DENND1A: variants seen among roughly 807,000 people sequenced by gnomAD.
DENND1A encodes DENN domain containing 1A, also known as DENN domain-containing protein 1A.
Under a neutral mutation model 113.7 loss-of-function variants are expected in DENND1A, and 51 were observed. That is an observed-to-expected ratio of 0.45 (90% CI 0.36 to 0.57). DENND1A has a LOEUF of 0.57. Among genes scored for constraint, DENND1A ranks in the 20% least tolerant of loss-of-function variants. The pLI is 0.00. For missense variants in DENND1A, 1,258 were observed against 1,395.9 expected, an observed-to-expected ratio of 0.90 and a Z score of 1.57; for synonymous variants, 565 against 570.8, an observed-to-expected ratio of 0.99 and a Z score of 0.14.
chr9:123,380,051 T>C lies in DENND1A; in HGVS notation c.*1381A>G, dbSNP rs1212391889. 6.6e-6 allele frequency: 1 copy of C among 152,266 alleles called. No homozygotes were observed. The highest frequency in any genetic ancestry group is 1.5e-5 in the Non-Finnish European group (1 of 68,082). The allele number at this position is 152,266 out of a possible 1,614,324, so 9.4% of individuals were successfully genotyped here. A position where few individuals can be genotyped will look rare whatever the true frequency, so the allele number is the denominator to read the frequency against. ...AAGCCTCACTGAGCATGTGCAGCAG[T>C]GGCAGCCTCTCAGACATAGAGGGGG... On this transcript the variant is annotated 3_prime_UTR_variant, in exon 24 of 24. Coordinates refer to ENST00000394215, the MANE Select transcript of DENND1A (RefSeq NM_001352964.2).
chr9:123,780,243 T>C lies in DENND1A; in HGVS notation c.133-10680A>G, dbSNP rs76318854. On this transcript the variant is annotated intron_variant, in intron 3 of 23. Transcript: ENST00000394215. The stretch of plus-strand genomic sequence containing the variant: ...CTATTCTCAGTGAGCTTCTCGCCTC[T>C]CCCAAGTTGACACCCCAGAATCCTG... 7.3e-4 allele frequency among the ~76,000 whole-genome samples: 111 copies of C among 152,266 alleles called. No individual in the cohort carries two copies. In the East Asian group the frequency reaches 0.02, roughly 27 times the overall value.
intron 6 of DENND1A, among the ~76,000 whole-genome samples, chr9:123,672,527 GTGGTTTAAATGGTTCCCCCAAAAGT>G (rs1564922799): frequency 3.3e-5 from 5 of 152,168 alleles, no homozygotes; most frequent in Admixed American, 2.6e-4. Context: ...AATTATTGCT[GTGGTTTAAATGGTTCCCCCAAAAGT>G]TCATGTGTTG....
intron 3 of DENND1A, among the ~76,000 whole-genome samples, chr9:123,776,524 A>G (rs566964855): frequency 1.3e-5 from 2 of 152,346 alleles, no homozygotes; most frequent in African/African-American, 2.4e-5. Flanking sequence ...ACCAAAAAAT[A>G]GATTCAAATG....
intron 4 of DENND1A, among the ~76,000 whole-genome samples, chr9:123,766,440 G>C (rs1156531873): frequency 2.0e-5 from 3 of 152,162 alleles, no homozygotes; most frequent in Non-Finnish European, 2.9e-5. Flanking sequence ...TTGTAAAAAA[G>C]ATACCACCAT....
chr9:123,631,983 G>A (rs1325735008), intron 9 of DENND1A, among the ~76,000 whole-genome samples: 2 of 152,174 alleles, frequency 1.3e-5, no homozygotes, highest in East Asian at 3.8e-4. Flanking sequence ...TTTCAGGGAA[G>A]CCTGTTCCCA....
chr9:123,727,023 T>G (rs998787282), intron 5 of DENND1A, among the ~76,000 whole-genome samples: 1 of 152,226 alleles, frequency 6.6e-6, no homozygotes, highest in African/African-American at 2.4e-5. Flanking sequence ...TGAAGCTCAG[T>G]GTTGTCACGT....
intron 1 of DENND1A, among the ~76,000 whole-genome samples, chr9:123,903,732 G>T (rs1222632498): frequency 6.6e-6 from 1 of 152,214 alleles, no homozygotes; most frequent in African/African-American, 2.4e-5. Flanking sequence ...CACCCACGGT[G>T]TCTCGCTGAT....
chr9:123,458,146 G>T (rs772222165), intron 13 of DENND1A, among the ~76,000 whole-genome samples: 60 of 151,748 alleles, frequency 4.0e-4, no homozygotes, highest in Non-Finnish European at 5.6e-4. Context: ...GATTACAGCT[G>T]CCCCCCACCA....
intron 6 of DENND1A, among the ~76,000 whole-genome samples, chr9:123,675,516 A>C (rs1353618146): frequency 6.6e-6 from 1 of 152,228 alleles, no homozygotes; most frequent in East Asian, 1.9e-4. Context: ...CAAATTGCTC[A>C]GAACGTTCAA....
At chr9:123,637,915 A>ACG (rs199515744) in intron 9 of DENND1A, among the ~76,000 whole-genome samples, 4 of 40,088 alleles carry the variant, frequency 1.0e-4, no homozygotes, top group African/African-American at 5.8e-4. Context: ...GAATAAACAC[A>ACG]CACACACACA....
intron 1 of DENND1A, among the ~76,000 whole-genome samples, chr9:123,879,553 T>TACACACACACACACACACACACACACAC (rs138124573): frequency 2.0e-5 from 3 of 149,996 alleles, no homozygotes; most frequent in African/African-American, 7.4e-5. Context: ...AATAAAATTA[T>TACACACACACACACACACACACACACAC]ACACACACAC....
At chr9:123,874,200 T>TAAAAAAAAA (rs3050143) in intron 2 of DENND1A, among the ~76,000 whole-genome samples, 6 of 93,138 alleles carry the variant, frequency 6.4e-5, no homozygotes, top group Admixed American at 1.2e-4. Context: ...ATTTAAAAAG[T>TAAAAAAAAA]AAAAAAAAAA....
intron 13 of DENND1A, 119 bp downstream of exon 13, chr9:123,557,451 C>A: frequency 2.0e-6 from 3 of 1,466,716 alleles, no homozygotes; most frequent in South Asian, 1.3e-5. Flanking sequence ...CACAAACACA[C>A]ACAAGCTCTT....
chr9:123,497,308 C>A (rs1398308923), intron 13 of DENND1A, among the ~76,000 whole-genome samples: 1 of 152,132 alleles, frequency 6.6e-6, no homozygotes, highest in Non-Finnish European at 1.5e-5. Flanking sequence ...AATTGTAAGG[C>A]TCTTTTATTT....
intron 2 of DENND1A, among the ~76,000 whole-genome samples, chr9:123,793,045 G>C (rs1034012339): frequency 6.6e-6 from 1 of 152,118 alleles, no homozygotes; most frequent in African/African-American, 2.4e-5. Flanking sequence ...GGAGAAAGGG[G>C]GAGTGAGAGA....
chr9:123,703,659 T>A (rs2140736503), intron 5 of DENND1A, among the ~76,000 whole-genome samples: 1 of 152,232 alleles, frequency 6.6e-6, no homozygotes, highest in South Asian at 2.1e-4. Flanking sequence ...TATAAATAAC[T>A]TGAATGAATC....
At chr9:123,588,741 G>A (rs568540858) in intron 11 of DENND1A, among the ~76,000 whole-genome samples, 1 of 150,314 alleles carries the variant, frequency 6.7e-6, no homozygotes, top group African/African-American at 2.5e-5. Flanking sequence ...CCCTTCCTAC[G>A]TGTTAAAGCA....
At chr9:123,457,946 C>G in intron 13 of DENND1A, 49 bp from the exon 14 acceptor site, 1 of 1,420,220 alleles carries the variant, frequency 7.0e-7, no homozygotes, top group Non-Finnish European at 9.7e-7. Context: ...GAGCAAGAGC[C>G]ATCAGTTTTG....
At chr9:123,800,872 A>T (rs138881938) in intron 2 of DENND1A, among the ~76,000 whole-genome samples, 1 of 152,358 alleles carries the variant, frequency 6.6e-6, no homozygotes, top group African/African-American at 2.4e-5. Context: ...CAAATAGAGT[A>T]AATAAAAACA....
Sources: allele counts gnomAD v4.1 joint callset (sites outside exome capture counted in the v4.1 genomes callset), GRCh38; gene constraint gnomAD v4.1.1; transcripts MANE v1.5; gene names NCBI Gene and HGNC (gene_info 2026-07-23, HGNC 2026-07-21).